COL19A1: variants seen among roughly 807,000 people sequenced by gnomAD.
The protein encoded by COL19A1 is collagen alpha-1(XIX) chain.
COL19A1 carries 159 observed loss-of-function variants against 190.2 expected under a neutral mutation model. The observed-to-expected ratio is 0.84, with a 90% CI of 0.73 to 0.95. COL19A1 has a LOEUF of 0.95. Among genes scored for constraint, COL19A1 ranks in the 40% least tolerant of loss-of-function variants. The probability of loss-of-function intolerance (pLI) is 0.00; values close to 1 mark genes in which losing one functional copy is unlikely to be tolerated. For synonymous variants in COL19A1, 509 were observed against 458.9 expected, an observed-to-expected ratio of 1.11 and a Z score of -1.39; for missense variants, 1,418 against 1,431.9, an observed-to-expected ratio of 0.99 and a Z score of 0.16.
chr6:69,980,855 T>C (rs370061935), intron 11 of COL19A1, among the ~76,000 whole-genome samples: 4 of 152,238 alleles, frequency 2.6e-5, no homozygotes, highest in Non-Finnish European at 5.9e-5. Flanking sequence ...TGTTGCTGGA[T>C]GTGATTCAAG....
chr6:70,106,199 T>G (rs1783948286), intron 16 of COL19A1, among the ~76,000 whole-genome samples: 1 of 152,192 alleles, frequency 6.6e-6, no homozygotes, highest in Non-Finnish European at 1.5e-5. Flanking sequence ...ATAAAGTGTT[T>G]TAACCAGTCC....
At chr6:69,913,155 CTCTT>C (rs894999478) in intron 4 of COL19A1, among the ~76,000 whole-genome samples, 2 of 152,134 alleles carry the variant, frequency 1.3e-5, no homozygotes, top group African/African-American at 4.8e-5. Flanking sequence ...GTTTGCCTCT[CTCTT>C]CTGATTTACC....
At chr6:70,053,038 A>G (rs1041918414) in intron 14 of COL19A1, among the ~76,000 whole-genome samples, 1 of 152,200 alleles carries the variant, frequency 6.6e-6, no homozygotes, top group Non-Finnish European at 1.5e-5. Flanking sequence ...TTCTTAATTT[A>G]CTATTGTGAA....
chr6:69,909,675 A>G (rs1489693206), intron 4 of COL19A1, among the ~76,000 whole-genome samples: 2 of 152,150 alleles, frequency 1.3e-5, no homozygotes, highest in Non-Finnish European at 2.9e-5. Context: ...CAATTTATCC[A>G]TATCCAAGGT....
intron 30 of COL19A1, among the ~76,000 whole-genome samples, chr6:70,150,786 T>C (rs1481535538): frequency 6.6e-6 from 1 of 152,168 alleles, no homozygotes; most frequent in Non-Finnish European, 1.5e-5. Flanking sequence ...AACGCCACTG[T>C]TGAGTGAATC....
intron 4 of COL19A1, among the ~76,000 whole-genome samples, chr6:69,913,195 T>C (rs776700862): frequency 8.5e-5 from 13 of 152,230 alleles, no homozygotes; most frequent in Non-Finnish European, 1.9e-4. Flanking sequence ...AAGTTTCTTT[T>C]GGTTAAGAGG....
At chr6:70,022,780 G>A (rs1297937653) in intron 11 of COL19A1, among the ~76,000 whole-genome samples, 6 of 152,162 alleles carry the variant, frequency 3.9e-5, no homozygotes, top group Non-Finnish European at 7.3e-5. Context: ...ATTCACAAAT[G>A]TGATTTTAAT....
intron 11 of COL19A1, among the ~76,000 whole-genome samples, chr6:69,981,209 T>TGGAATA (rs1776015074): frequency 6.6e-6 from 1 of 152,156 alleles, no homozygotes; most frequent in Non-Finnish European, 1.5e-5. Context: ...TTTGCCAATG[T>TGGAATA]GGAATATAAT....
At position 70,137,676 on chromosome 6, in the gene COL19A1, T is replaced by A; in HGVS notation, c.1384-9T>A. ...TCTGCAAAATCTCTCTTCTGCTTTG[T>A]CTTGAAAGGGTGAAACTGGACTACC... On this transcript the variant is annotated splice_polypyrimidine_tract_variant and intron_variant, in intron 18 of 50. Coordinates refer to ENST00000620364, the MANE Select transcript of COL19A1 (RefSeq NM_001858.6). 6.2e-7 allele frequency: 1 copy of A among 1,613,180 alleles called. No individual in the cohort carries two copies. The highest frequency in any genetic ancestry group is 1.1e-5 in the South Asian group (1 of 91,024).
chr6:70,099,392 C>T (rs1460919020), intron 15 of COL19A1, among the ~76,000 whole-genome samples: 1 of 152,164 alleles, frequency 6.6e-6, no homozygotes, highest in African/African-American at 2.4e-5. Context: ...AACACAGTCA[C>T]AATTTTGTTT....
intron 34 of COL19A1, among the ~76,000 whole-genome samples, chr6:70,161,657 C>T (rs541173276): frequency 6.6e-5 from 10 of 152,120 alleles, no homozygotes; most frequent in East Asian, 1.9e-4. Flanking sequence ...GCACTAAAAT[C>T]GCAGACTTCA....
chr6:70,045,601 C>T (rs192994128), intron 14 of COL19A1, among the ~76,000 whole-genome samples: 5 of 152,250 alleles, frequency 3.3e-5, no homozygotes, highest in African/African-American at 7.2e-5. Context: ...AGCTGAAATC[C>T]GTTTTGTTCT....
intron 9 of COL19A1, among the ~76,000 whole-genome samples, chr6:69,957,160 A>G (rs1377468100): frequency 6.6e-6 from 1 of 152,088 alleles, no homozygotes; most frequent in Non-Finnish European, 1.5e-5. Flanking sequence ...TAAGAAATAC[A>G]TTACTTCCAA....
At chr6:70,166,436 T>C (rs932844189) in intron 37 of COL19A1, among the ~76,000 whole-genome samples, 1 of 152,224 alleles carries the variant, frequency 6.6e-6, no homozygotes, top group Non-Finnish European at 1.5e-5. Flanking sequence ...ATGTAGCTCT[T>C]AGTGAACAAA....
chr6:69,913,720 C>G (rs1237236815), intron 4 of COL19A1, among the ~76,000 whole-genome samples: 3 of 152,064 alleles, frequency 2.0e-5, no homozygotes, highest in Non-Finnish European at 4.4e-5. Flanking sequence ...GTCTTACTTG[C>G]TGGCATGAGG....
At chr6:70,042,938 A>G (rs1054325276) in intron 14 of COL19A1, among the ~76,000 whole-genome samples, 1 of 152,090 alleles carries the variant, frequency 6.6e-6, no homozygotes, top group African/African-American at 2.4e-5. Context: ...TTCACTTCTA[A>G]TTCTAGTTCT....
intron 2 of COL19A1, chr6:69,880,011 G>A (rs1768416924): frequency 6.7e-6 from 2 of 300,256 alleles, no homozygotes; most frequent in Admixed American, 1.0e-4. Context: ...TTACTAATTA[G>A]GATTAACAAG....
In COL19A1 at chr6:70,142,038, C is replaced by T; in HGVS notation, c.1534C>T (p.Pro512Ser). Reference sequence around the variant, plus strand: ...ACGTGTTTAGGGTGAACCTGGAGATCCCGGACCCCCTGGTTTAATAGGAAG... The same window carrying T: ...ACGTGTTTAGGGTGAACCTGGAGATTCCGGACCCCCTGGTTTAATAGGAAG... ...SQGVKGEPGD[P>S]GPPGLIGSPG... is the part of the protein sequence containing the mutation. The change falls in exon 22 of 51, where the codon CCC becomes TCC. Residue 512 changes from proline to serine, a missense_variant. Pro to Ser is a moderately conservative substitution (Grantham distance 74). Transcript: ENST00000620364. 1 of 1,612,328 alleles carries T rather than the reference C, an allele frequency of 6.2e-7. No individual in the cohort carries two copies.
In COL19A1 at chr6:69,888,218, C is replaced by CGTA. The variant is rs147830096; in HGVS notation, c.91+8561_91+8563dup. On this transcript the variant is annotated intron_variant, in intron 2 of 50. Coordinates refer to ENST00000620364, the MANE Select transcript of COL19A1 (RefSeq NM_001858.6). Reference sequence around the variant, plus strand: ...AGACAAAGCCGGTTATTAGAAAACACGTATCAAAATGAAACAAGGGGAGGG... The same window carrying CGTA: ...AGACAAAGCCGGTTATTAGAAAACACGTAGTATCAAAATGAAACAAGGGGAGGG... Among the ~76,000 whole-genome samples the CGTA allele has an allele frequency of 6.6e-3, 1,009 of 152,132 alleles. 23 individuals are homozygous for CGTA. In the East Asian group the frequency reaches 0.071, roughly 11 times the overall value.
Sources: gnomAD v4.1 joint callset for allele counts (sites outside exome capture counted in the v4.1 genomes callset) on GRCh38, gnomAD v4.1.1 for gene constraint, MANE v1.5 for transcripts, NCBI Gene and HGNC (gene_info 2026-07-23, HGNC 2026-07-21) for gene names.